Variants in PALD1 observed in about 807,000 individuals in gnomAD.
PALD1 encodes the protein paladin.
In PALD1, 57 loss-of-function variants were observed where a neutral mutation model predicts 96.0. The observed-to-expected ratio is 0.59, with a 90% CI of 0.48 to 0.74. The LOEUF is 0.74. Among genes scored for constraint, PALD1 ranks in the 30% least tolerant of loss-of-function variants. The pLI, the probability that PALD1 is intolerant of heterozygous loss-of-function variation, is 0.00. For missense variants in PALD1, 1,063 were observed against 1,143.7 expected, an observed-to-expected ratio of 0.93 and a Z score of 1.02; for synonymous variants, 464 against 473.6, an observed-to-expected ratio of 0.98 and a Z score of 0.26.
rs760191511 is a variant in PALD1 at position 70,564,456 on chromosome 10, C to T, written c.2355C>T (p.Asn785=). ...GCTATGTCTGCCTGATTCTCTTCAA[C>T]GCGTACCTCCACCTGGAGAAGGCCG... The part of the protein sequence containing the change: ...LERYVCLILF[N]AYLHLEKADS... The change falls in exon 19 of 20, where the codon AAC becomes AAT. Residue 785 remains asparagine (N), a synonymous_variant. Coordinates refer to ENST00000263563, the MANE Select transcript of PALD1 (RefSeq NM_014431.3). 38 of 1,614,042 alleles carry T rather than the reference C, an allele frequency of 2.4e-5. No individual in the cohort carries two copies. The highest frequency in any genetic ancestry group is 2.8e-5 in the Non-Finnish European group (33 of 1,180,012).
At chr10:70,475,611 A>G (rs1265957164), upstream of PALD1, among the ~76,000 whole-genome samples, 5 of 152,322 alleles carry the variant, frequency 3.3e-5, no homozygotes, top group East Asian at 7.7e-4. Flanking sequence ...ATCTTTGATC[A>G]AGATTCATCT....
intron 1 of PALD1, among the ~76,000 whole-genome samples, chr10:70,498,588 T>A (rs1846235702): frequency 8.2e-6 from 1 of 121,272 alleles, no homozygotes; most frequent in Non-Finnish European, 1.8e-5. Flanking sequence ...CCTGTTTTGT[T>A]TTTTTTTTTT....
upstream of PALD1, among the ~76,000 whole-genome samples, chr10:70,478,284 C>T (rs1284779542): frequency 6.6e-6 from 1 of 152,216 alleles, no homozygotes; most frequent in South Asian, 2.1e-4. Context: ...CACCATCATC[C>T]AGCTCCGGCC....
chr10:70,562,557 A>G (rs1266907150), intron 18 of PALD1, among the ~76,000 whole-genome samples: 3 of 152,040 alleles, frequency 2.0e-5, no homozygotes, highest in African/African-American at 7.2e-5. Context: ...CTGTGAGGAG[A>G]GCAGCCCTTT....
chr10:70,506,238 A>G lies in PALD1; in HGVS notation c.-29-19685A>G, dbSNP rs796994546. On this transcript the variant is annotated intron_variant, in intron 1 of 19. Transcript: ENST00000263563. ...TGGTGAATTTTGTCACCGCGAGTGC[A>G]TATCTCTGGGAACACAGTGAGACCG... Among the ~76,000 whole-genome samples the G allele has an allele frequency of 5.9e-5, 9 of 152,292 alleles. No homozygotes were observed. In the South Asian group the frequency reaches 8.3e-4, roughly 14 times the overall value.
At chr10:70,513,996 T>G (rs1294129037) in intron 1 of PALD1, among the ~76,000 whole-genome samples, 4 of 152,164 alleles carry the variant, frequency 2.6e-5, no homozygotes. Flanking sequence ...CCCCCTGCTC[T>G]CTGAGGGCGG....
At chr10:70,471,993 C>G in the PALD1 span, among the ~76,000 whole-genome samples, 1 of 152,132 alleles carries the variant, frequency 6.6e-6, no homozygotes, top group Non-Finnish European at 1.5e-5. Flanking sequence ...TGGGACCTTC[C>G]TAGCAAGTCT....
At chr10:70,518,061 G>T (rs1056157650) in intron 1 of PALD1, among the ~76,000 whole-genome samples, 1 of 151,976 alleles carries the variant, frequency 6.6e-6, no homozygotes. Flanking sequence ...GCGCCATCAC[G>T]CCTGGCTAAT....
chr10:70,566,599 A>G lies in PALD1; in HGVS notation c.2437A>G (p.Ile813Val). Reference protein sequence around the residue: ...WMQEVASKAGIYEILNELGFP... With the variant: ...WMQEVASKAGVYEILNELGFP... ...CTCCCAGGTGGCATCGAAGGCTGGC[A>G]TCTACGAGATCCTTAACGAGCTGGG... Residue 813 changes from isoleucine (I) to valine (V), a missense_variant, in exon 20 of 20, where the codon ATC (isoleucine) becomes GTC (valine). By Grantham distance (29) the Ile-to-Val change is conservative (BLOSUM62 3). Coordinates refer to ENST00000263563, the MANE Select transcript of PALD1 (RefSeq NM_014431.3). 1 of 1,610,882 alleles carries G rather than the reference A, an allele frequency of 6.2e-7. No individual in the cohort carries two copies. The highest frequency in any genetic ancestry group is 1.3e-5 in the African/African-American group (1 of 74,964).
At position 70,487,295 on chromosome 10, in the gene PALD1, G is replaced by A. The variant is rs1009924124; in HGVS notation, c.-30+8236G>A. ...ACTACAGGCGCCCGCCACCATGCCC[G>A]GCTAATTTTTTGTGTTTTTAGTAGA... is the stretch of plus-strand genomic sequence containing the variant. On this transcript the variant is annotated intron_variant, in intron 1 of 19. Transcript: ENST00000263563. 6.6e-4 allele frequency among the ~76,000 whole-genome samples: 54 copies of A among 81,546 alleles called. 1 individual carries two copies. The East Asian group carries it at 9.5e-3, about 14-fold the overall frequency. The allele number at this position is 81,546 out of a possible 152,430, so 53.5% of individuals were successfully genotyped here.
At position 70,547,466 on chromosome 10, in the gene PALD1, C is replaced by CACCCCACCCT. The variant is rs1239018420; in HGVS notation, c.2262+21_2262+30dup. On this transcript the variant is annotated intron_variant, in intron 18 of 19. Transcript: ENST00000263563. ...CGCCAGGTGAGCCCCCACCCCACCC[C>CACCCCACCCT]ACCCCACCCTGCCCCAGCCACCCTT... is the stretch of plus-strand genomic sequence containing the variant. 6.6e-7 allele frequency: 1 copy of CACCCCACCCT among 1,516,394 alleles called. No individual in the cohort carries two copies. The highest frequency in any genetic ancestry group is 1.4e-5 in the African/African-American group (1 of 73,096). 93.9% of individuals were successfully genotyped at this position (1,516,394 alleles called of 1,614,324 possible).
chr10:70,460,877 G>GA, the PALD1 span, among the ~76,000 whole-genome samples: 1 of 152,028 alleles, frequency 6.6e-6, no homozygotes, highest in Non-Finnish European at 1.5e-5. Flanking sequence ...CCAACGTGGA[G>GA]AACCCCGTCT....
the PALD1 span, among the ~76,000 whole-genome samples, chr10:70,465,984 T>C: frequency 1.3e-5 from 2 of 152,144 alleles, no homozygotes; most frequent in East Asian, 3.9e-4. Context: ...TGGAAGTCTC[T>C]TGGCCTTCAC....
At chr10:70,475,850 A>C (rs139966224), upstream of PALD1, among the ~76,000 whole-genome samples, 87 of 152,040 alleles carry the variant, frequency 5.7e-4, 1 homozygote, top group African/African-American at 2.0e-3. Context: ...GTAACAGGTT[A>C]CTCATATTCT....
intron 1 of PALD1, among the ~76,000 whole-genome samples, chr10:70,522,992 A>C (rs1398049784): frequency 6.6e-6 from 1 of 152,092 alleles, no homozygotes. Flanking sequence ...CAGAGTTGAG[A>C]GAGATTTCAG....
chr10:70,539,833 G>A lies in PALD1; in HGVS notation c.1908+71G>A. On this transcript the variant is annotated intron_variant, in intron 15 of 19. Transcript: ENST00000263563. The surrounding 1 kb of genome is among the most constrained non-coding windows in gnomAD (Gnocchi z 4.5). ...CCTCCCTGTCTCCCCTCTGGTCTGG[G>A]CTCTGGGAGAATGAAACGACCCCAG... 7.2e-7 allele frequency: 1 copy of A among 1,392,840 alleles called. No individual in the cohort carries two copies. The highest frequency in any genetic ancestry group is 9.8e-7 in the Non-Finnish European group (1 of 1,020,108). 86.3% of individuals were successfully genotyped at this position (1,392,840 alleles called of 1,614,324 possible). A position where few individuals can be genotyped will look rare whatever the true frequency, so the allele number is the denominator to read the frequency against.
chr10:70,481,342 C>T (rs143231212), intron 1 of PALD1, among the ~76,000 whole-genome samples: 5 of 152,278 alleles, frequency 3.3e-5, no homozygotes, highest in African/African-American at 7.2e-5. Flanking sequence ...GCACAGTGCC[C>T]GGAAGTTGTC....
intron 17 of PALD1, 59 bp from the exon 18 acceptor site, chr10:70,547,247 G>T: frequency 6.5e-7 from 1 of 1,547,656 alleles, no homozygotes; most frequent in East Asian, 2.2e-5. Context: ...CAAGCCTGGT[G>T]CTTGGGCTGA....
chr10:70,526,271 C>G, intron 2 of PALD1, 135 bp downstream of exon 2: 1 of 689,700 alleles, frequency 1.4e-6, no homozygotes, highest in Non-Finnish European at 2.5e-6. Flanking sequence ...CACTGAGGCC[C>G]AGGGAGATGA....
Sources: allele counts gnomAD v4.1 joint callset (sites outside exome capture counted in the v4.1 genomes callset), GRCh38; gene constraint gnomAD v4.1.1; non-coding constraint Gnocchi (gnomAD v3.1); transcripts MANE v1.5; gene names NCBI Gene and HGNC (gene_info 2026-07-23, HGNC 2026-07-21).